The following DNM3 variants were observed in gnomAD, a reference collection of about 807,000 sequenced individuals.
DNM3 encodes dynamin 3.
In DNM3, 47 loss-of-function variants were observed where a neutral mutation model predicts 101.6. That is an observed-to-expected ratio of 0.46 (90% CI 0.37 to 0.59). The LOEUF (loss-of-function observed/expected upper bound fraction) is 0.59. Ranked by LOEUF, DNM3 falls within the 20% of genes least tolerant of loss-of-function variation. The probability of loss-of-function intolerance (pLI) is 0.00; values close to 1 mark genes in which losing one functional copy is unlikely to be tolerated. For missense variants in DNM3, 849 were observed against 1,085.7 expected (o/e 0.78, Z 3.06); for synonymous variants, 385 against 387.9 (o/e 0.99, Z 0.09).
intron 14 of DNM3, among the ~76,000 whole-genome samples, chr1:172,249,678 A>T (rs2062093046): frequency 1.3e-5 from 2 of 152,168 alleles, no homozygotes. Flanking sequence ...TATTAAAAAA[A>T]TCTTTCTCTA....
At chr1:172,301,993 C>T (rs2064476151) in intron 15 of DNM3, among the ~76,000 whole-genome samples, 2 of 152,186 alleles carry the variant, frequency 1.3e-5, no homozygotes, top group South Asian at 4.1e-4. Flanking sequence ...TTCTGCTTTT[C>T]CAACTGAGGT....
intron 1 of DNM3, among the ~76,000 whole-genome samples, chr1:171,899,805 T>A (rs780249697): frequency 6.6e-6 from 1 of 152,162 alleles, no homozygotes. Flanking sequence ...AAAACATATA[T>A]AGTGGGTTCT....
chr1:172,216,240 T>G (rs1469260292), intron 14 of DNM3, among the ~76,000 whole-genome samples: 2 of 152,130 alleles, frequency 1.3e-5, no homozygotes, highest in African/African-American at 4.8e-5. Flanking sequence ...ATAATTCCCT[T>G]GGAAGATTCA....
intron 14 of DNM3, among the ~76,000 whole-genome samples, chr1:172,174,023 G>GTAGTATGTTAATAAGAAAA (rs1483663570): frequency 1.3e-5 from 2 of 151,578 alleles, no homozygotes; most frequent in African/African-American, 4.8e-5. Context: ...TGATACCATA[G>GTAGTATGTTAATAAGAAAA]TAGTATGTTA....
chr1:172,068,049 C>T (rs189150829), intron 10 of DNM3, among the ~76,000 whole-genome samples: 126 of 152,294 alleles, frequency 8.3e-4, no homozygotes, highest in African/African-American at 2.8e-3. Flanking sequence ...TGGGGTTGGC[C>T]GGGCGTGGTG....
intron 17 of DNM3, among the ~76,000 whole-genome samples, chr1:172,377,160 T>C (rs1385504190): frequency 6.6e-6 from 1 of 151,856 alleles, no homozygotes; most frequent in African/African-American, 2.4e-5. Flanking sequence ...TCTTAATACC[T>C]AAGGAAAAAA....
At chr1:172,181,820 T>A (rs562932) in intron 14 of DNM3, among the ~76,000 whole-genome samples, 1 of 145,852 alleles carries the variant, frequency 6.9e-6, no homozygotes, top group African/African-American at 2.6e-5. Flanking sequence ...TTTTTTTTTT[T>A]GAAAATAAAC....
intron 14 of DNM3, among the ~76,000 whole-genome samples, chr1:172,222,485 A>G (rs1292579789): frequency 3.9e-5 from 6 of 152,192 alleles, no homozygotes; most frequent in African/African-American, 1.4e-4. Context: ...AGGTGATTAT[A>G]GAGAACAAGA....
chr1:172,145,428 C>A lies in DNM3; in HGVS notation c.1659+14140C>A, dbSNP rs114361567. The stretch of plus-strand genomic sequence containing the variant: ...TCTCTCTCTTTCTCTCCTTCTCTCT[C>A]TCCCTCCTTCTCCTGTCTGTTGAAT... On this transcript the variant is annotated intron_variant, in intron 14 of 20. Coordinates refer to ENST00000627582, the MANE Select transcript of DNM3 (RefSeq NM_015569.5). Among the ~76,000 whole-genome samples the A allele has an allele frequency of 5.7e-3, 854 of 149,168 alleles. 10 individuals carry two copies. The highest frequency in any genetic ancestry group is 0.02 in the African/African-American group (809 of 40,812).
intron 4 of DNM3, among the ~76,000 whole-genome samples, chr1:171,995,714 T>G (rs2045952411): frequency 6.6e-6 from 1 of 152,176 alleles, no homozygotes. Flanking sequence ...TTTGGTTGAC[T>G]GTGCAAGTGG....
intron 14 of DNM3, among the ~76,000 whole-genome samples, chr1:172,206,168 A>T (rs1040641701): frequency 6.6e-6 from 1 of 152,166 alleles, no homozygotes; most frequent in Non-Finnish European, 1.5e-5. Flanking sequence ...ATTTTTACTT[A>T]CAGGCTGTAA....
chr1:171,848,216 C>A (rs2032453696), intron 1 of DNM3, among the ~76,000 whole-genome samples: 1 of 152,128 alleles, frequency 6.6e-6, no homozygotes, highest in Non-Finnish European at 1.5e-5. Context: ...CTTTTCCCAT[C>A]CCTTTGCATT....
chr1:171,911,573 G>A (rs1024286166), intron 1 of DNM3, among the ~76,000 whole-genome samples: 8 of 152,172 alleles, frequency 5.3e-5, no homozygotes, highest in Admixed American at 1.3e-4. Context: ...GTGAGCCACT[G>A]TGCCTGGCCT....
chr1:172,165,718 C>T (rs1356350262), intron 14 of DNM3, among the ~76,000 whole-genome samples: 1 of 152,076 alleles, frequency 6.6e-6, no homozygotes, highest in Non-Finnish European at 1.5e-5. Flanking sequence ...TACTTTATTC[C>T]TCTGTGACAA....
chr1:172,051,790 G>A (rs745611011), intron 10 of DNM3, among the ~76,000 whole-genome samples: 12 of 152,162 alleles, frequency 7.9e-5, no homozygotes, highest in Admixed American at 2.0e-4. Context: ...GTGAGCAGAT[G>A]TACATCCATC....
chr1:171,917,828 AT>A (rs1219664339), intron 1 of DNM3, among the ~76,000 whole-genome samples: 1 of 152,250 alleles, frequency 6.6e-6, no homozygotes, highest in Non-Finnish European at 1.5e-5. Context: ...AGGAATAGTC[AT>A]TATTTTTCCA....
At position 172,172,341 on chromosome 1, in the gene DNM3, G is replaced by A. The variant is rs542451970; in HGVS notation, c.1659+41053G>A. On this transcript the variant is annotated intron_variant, in intron 14 of 20. Coordinates refer to ENST00000627582, the MANE Select transcript of DNM3 (RefSeq NM_015569.5). ...AACCACAGATAGTACTGAATCCTAT[G>A]CATACTATGCTTTTTTTCCATCTGA... Among the ~76,000 whole-genome samples, 6 of 151,692 alleles carry A rather than the reference G, an allele frequency of 4.0e-5. No homozygotes were observed. In the South Asian group the frequency reaches 1.3e-3, roughly 32 times the overall value.
At chr1:172,164,337 A>C (rs1016020627) in intron 14 of DNM3, among the ~76,000 whole-genome samples, 3 of 148,966 alleles carry the variant, frequency 2.0e-5, no homozygotes, top group African/African-American at 2.5e-5. Flanking sequence ...GCTATTACTT[A>C]GTATTACAGC....
At chr1:171,978,028 C>G (rs1365047412) in intron 2 of DNM3, among the ~76,000 whole-genome samples, 2 of 152,142 alleles carry the variant, frequency 1.3e-5, no homozygotes, top group African/African-American at 4.8e-5. Flanking sequence ...AAACCTCAAG[C>G]CTCCTCCAAG....
Sources: gnomAD v4.1 joint callset for allele counts (sites outside exome capture counted in the v4.1 genomes callset) on GRCh38, gnomAD v4.1.1 for gene constraint, MANE v1.5 for transcripts, NCBI Gene and HGNC (gene_info 2026-07-23, HGNC 2026-07-21) for gene names.